The following COL17A1 variants were observed in gnomAD, a reference collection of about 807,000 sequenced individuals.
COL17A1 encodes collagen alpha-1(XVII) chain.
Under a neutral mutation model 218.4 loss-of-function variants are expected in COL17A1, and 181 were observed. The observed-to-expected ratio is 0.83, with a 90% CI of 0.73 to 0.94. The LOEUF is 0.94. Ranked by LOEUF, COL17A1 falls within the 40% of genes least tolerant of loss-of-function variation. The pLI, the probability that COL17A1 is intolerant of heterozygous loss-of-function variation, is 0.00. For synonymous variants in COL17A1, 721 were observed against 731.0 expected (o/e 0.99, Z 0.22); for missense variants, 1,924 against 1,945.9 (o/e 0.99, Z 0.21).
Position 104,038,438 on chromosome 10 carries a change from TC to T in COL17A1, c.3037del (p.Glu1013ArgfsTer53). On this transcript the variant is annotated frameshift_variant, in exon 45 of 56. Transcript: ENST00000648076. LOFTEE classifies it high-confidence loss of function. ...PPGSISSSGQ[E>X]IQQYISEYMQ... ...GTACTCAGAGATGTACTGCTGAATCTCCTGGCCAGAGCTGCTGATAGAGCCC... is the reference window on the plus strand; with the variant it reads ...GTACTCAGAGATGTACTGCTGAATCTCTGGCCAGAGCTGCTGATAGAGCCC... 1 of 1,614,028 alleles carries T rather than the reference TC, an allele frequency of 6.2e-7. No individual in the cohort carries two copies. Among genetic ancestry groups the T allele is most frequent in the South Asian group, 1.1e-5 (1 of 91,080 alleles).
chr10:104,074,967 G>A (rs912141751), intron 5 of COL17A1, among the ~76,000 whole-genome samples: 1 of 152,182 alleles, frequency 6.6e-6, no homozygotes, highest in Non-Finnish European at 1.5e-5. Flanking sequence ...TGGAACTCAG[G>A]TGTCTTCTTC....
chr10:104,058,655 C>G (rs2134624516), intron 15 of COL17A1, among the ~76,000 whole-genome samples: 1 of 152,254 alleles, frequency 6.6e-6, no homozygotes, highest in Middle Eastern at 3.4e-3. Flanking sequence ...GTGTTTAGGC[C>G]AGGCACGGTG....
At position 104,053,023 on chromosome 10, in the gene COL17A1, C is replaced by T. The variant is rs567833891; in HGVS notation, c.1939+8G>A. On this transcript the variant is annotated splice_region_variant and intron_variant, in intron 23 of 55. Transcript: ENST00000648076. ...GCTAACTCTGCCGGTGAAGGAATTG[C>T]CTCTTACCTCTTTCCCCTTTCTCTC... The T allele has an allele frequency of 1.2e-6, 2 of 1,614,050 alleles. No individual in the cohort carries two copies. Among genetic ancestry groups the T allele is most frequent in the African/African-American group, 2.7e-5 (2 of 75,040 alleles).
intron 52 of COL17A1, 118 bp from the exon 53 acceptor site, chr10:104,033,493 A>G (rs1844719149): frequency 1.6e-6 from 2 of 1,251,212 alleles, no homozygotes; most frequent in Non-Finnish European, 2.3e-6. Context: ...ATCAAGCCGC[A>G]GCAAGGGTGA....
At chr10:104,062,684 T>C (rs905178558) in intron 11 of COL17A1, among the ~76,000 whole-genome samples, 9 of 152,314 alleles carry the variant, frequency 5.9e-5, no homozygotes, top group Admixed American at 5.2e-4. Flanking sequence ...TGGTGCACAG[T>C]GTGGGAACTG....
At position 104,033,271 on chromosome 10, in the gene COL17A1, T is replaced by A; in HGVS notation, c.4261A>T (p.Asn1421Tyr). Residue 1421 changes from asparagine to tyrosine, a missense_variant, in exon 53 of 56, where the codon AAC (asparagine) becomes TAC (tyrosine). Coordinates refer to ENST00000648076, the MANE Select transcript of COL17A1 (RefSeq NM_000494.4). ...GISKVFSAYS[N>Y]VTADLMDFFQ... ...AAGTCCATGAGGTCCGCAGTCACGT[T>A]GCTGTAGGCAGAGAAGACCTTGCTG... is the stretch of plus-strand genomic sequence containing the variant. 1 of 1,594,342 alleles carries A rather than the reference T, an allele frequency of 6.3e-7. No homozygotes were observed. The highest frequency in any genetic ancestry group is 2.3e-5 in the East Asian group (1 of 44,334).
In COL17A1 at chr10:104,033,936, C is replaced by T. The variant is rs2086242356; in HGVS notation, c.4156+9G>A. 3.7e-6 allele frequency: 6 copies of T among 1,614,186 alleles called. No individual in the cohort carries two copies. The highest frequency in any genetic ancestry group is 5.1e-6 in the Non-Finnish European group (6 of 1,180,038). On this transcript the variant is annotated intron_variant, in intron 52 of 55. Transcript: ENST00000648076. ...CCCCCAGCACCAAGGCCTAAATGTC[C>T]CCACTTACGCTGCATGCTCTCTGAC...
intron 52 of COL17A1, among the ~76,000 whole-genome samples, chr10:104,033,683 T>C (rs146475362): frequency 3.9e-4 from 60 of 152,284 alleles, no homozygotes; most frequent in African/African-American, 1.3e-3. Context: ...ATATGACTCA[T>C]CTGGGACCCA....
intron 43 of COL17A1, 55 bp from the exon 44 acceptor site, chr10:104,039,176 T>C: frequency 6.4e-7 from 1 of 1,561,888 alleles, no homozygotes; most frequent in Non-Finnish European, 8.8e-7. Flanking sequence ...CTTCCCTGGT[T>C]AAGCCAAACC....
intron 4 of COL17A1, 51 bp from the exon 5 acceptor site, chr10:104,076,480 C>A (rs754953478): frequency 1.2e-6 from 2 of 1,611,818 alleles, no homozygotes; most frequent in Non-Finnish European, 1.7e-6. Context: ...GAGAGGTGAA[C>A]CAAATGGCTA....
intron 1 of COL17A1, among the ~76,000 whole-genome samples, chr10:104,082,851 A>C (rs2086776765): frequency 6.6e-6 from 1 of 152,174 alleles, no homozygotes; most frequent in East Asian, 1.9e-4. Flanking sequence ...TTCTGCAGTA[A>C]AATGCTAAGG....
In COL17A1 at chr10:104,037,065, T is replaced by G; in HGVS notation, c.3257A>C (p.Asp1086Ala). ...CTCACGCTGCAGCACAGCCAGAATG[T>G]CTTCAGAAGAGATGGAGGACGAGAA... is the stretch of plus-strand genomic sequence containing the variant. ...SLFSSSISSEDILAVLQRDDV... is the reference protein window; with the variant it reads ...SLFSSSISSEAILAVLQRDDV... The change falls in exon 47 of 56, where the codon GAC becomes GCC. Residue 1086 changes from aspartate to alanine, a missense_variant. By Grantham distance (126) the Asp-to-Ala change is moderately radical. Coordinates refer to ENST00000648076, the MANE Select transcript of COL17A1 (RefSeq NM_000494.4). 3 of 1,607,096 alleles carry G rather than the reference T, an allele frequency of 1.9e-6. No homozygotes were observed. Among genetic ancestry groups the G allele is most frequent in the Non-Finnish European group, 2.5e-6 (3 of 1,177,600 alleles).
At position 104,039,084 on chromosome 10, in the gene COL17A1, A is replaced by AC. The variant is rs757244495; in HGVS notation, c.2933dup (p.Ser978ArgfsTer5). The AC allele has an allele frequency of 6.2e-7, 1 of 1,614,174 alleles. No individual in the cohort carries two copies. Among genetic ancestry groups the AC allele is most frequent in the Non-Finnish European group, 8.5e-7 (1 of 1,179,992 alleles). ...TTCAGTTCTTACCTTCAGAAGGACC[A>AC]CTAGGAATGCCAAGAGCCCCTGGAA... On this transcript the variant is annotated frameshift_variant, in exon 44 of 56. Transcript: ENST00000648076. LOFTEE classifies it high-confidence loss of function.
chr10:104,039,987 G>A lies in COL17A1; in HGVS notation c.2774C>T (p.Pro925Leu), dbSNP rs754322209. Residue 925 changes from proline (P) to leucine (L), a missense_variant, in exon 41 of 56, where the codon CCC becomes CTC. By Grantham distance (98) the Pro-to-Leu change is moderately conservative (BLOSUM62 -3). Transcript: ENST00000648076. ...GPKGDQGPPG[P>L]RGHQGEQGLP... ...CTCTACTGTACCTTGGTGTCCTCTG[G>A]GGCCTGGGGGACCTGAGGGAAAAAG... 11 of 1,614,130 alleles carry A rather than the reference G, an allele frequency of 6.8e-6. No homozygotes were observed. Among genetic ancestry groups the A allele is most frequent in the Admixed American group, 1.7e-5 (1 of 60,024 alleles).
intron 8 of COL17A1, among the ~76,000 whole-genome samples, chr10:104,071,207 G>A (rs2134646891): frequency 6.6e-6 from 1 of 152,284 alleles, no homozygotes; most frequent in Admixed American, 6.5e-5. Flanking sequence ...GAGTGCATGA[G>A]AGGAGACACA....
intron 7 of COL17A1, among the ~76,000 whole-genome samples, 159 bp from the exon 8 acceptor site, chr10:104,072,238 A>G (rs1170898607): frequency 2.0e-5 from 3 of 152,166 alleles, no homozygotes; most frequent in Non-Finnish European, 4.4e-5. Context: ...GTGCTGCTTA[A>G]AAAGGGAGAC....
In COL17A1 at chr10:104,062,266, G is replaced by A. The variant is rs1025930872; in HGVS notation, c.902C>T (p.Thr301Ile). Reference sequence around the variant, plus strand: ...AACCCTAGCCTACTGACCTGTGGAAGTGGTGGTGGTGCCATGGGACAGGGT... The same window carrying A: ...AACCCTAGCCTACTGACCTGTGGAAATGGTGGTGGTGCCATGGGACAGGGT... ...LTTLSHGTTT[T>I]STAYGVKKNM... is the part of the protein sequence containing the mutation. Residue 301 changes from threonine (T) to isoleucine (I), a missense_variant, in exon 12 of 56, where the codon ACT becomes ATT. By Grantham distance (89) the Thr-to-Ile change is moderately conservative. Transcript: ENST00000648076. 6.2e-7 allele frequency: 1 copy of A among 1,614,238 alleles called. No individual in the cohort carries two copies. Among genetic ancestry groups the A allele is most frequent in the South Asian group, 1.1e-5 (1 of 91,092 alleles).
At position 104,045,805 on chromosome 10, in the gene COL17A1, A is replaced by G; in HGVS notation, c.2363-12T>C. 1.2e-6 allele frequency: 2 copies of G among 1,610,278 alleles called. No individual in the cohort carries two copies. The highest frequency in any genetic ancestry group is 1.1e-5 in the South Asian group (1 of 91,020). ...GGTACCGGGAAGTCCTGATGTGATT[A>G]GAACAAGTAGTCAGGACGATGAAGG... is the stretch of plus-strand genomic sequence containing the variant. On this transcript the variant is annotated splice_polypyrimidine_tract_variant and intron_variant, in intron 32 of 55. Transcript: ENST00000648076.
intron 48 of COL17A1, among the ~76,000 whole-genome samples, chr10:104,035,786 G>GTGTATGAGTA (rs2086275039): frequency 6.6e-6 from 1 of 152,218 alleles, no homozygotes; most frequent in African/African-American, 2.4e-5. Flanking sequence ...TTCTGTGTGT[G>GTGTATGAGTA]TGTGTGTATG....
Sources: gnomAD v4.1 joint callset for allele counts (sites outside exome capture counted in the v4.1 genomes callset) on GRCh38, gnomAD v4.1.1 for gene constraint, MANE v1.5 for transcripts, NCBI Gene and HGNC (gene_info 2026-07-23, HGNC 2026-07-21) for gene names.